Variants in PSIP1 observed in about 807,000 individuals in gnomAD.
PSIP1 encodes PC4 and SRSF1 interacting protein 1.
Under a neutral mutation model 74.7 loss-of-function variants are expected in PSIP1, and 19 were observed. The observed-to-expected ratio is 0.25, with a 90% CI of 0.18 to 0.37. PSIP1 has a LOEUF of 0.37. Among genes scored for constraint, PSIP1 ranks in the 10% least tolerant of loss-of-function variants. The pLI, the probability that PSIP1 is intolerant of heterozygous loss-of-function variation, is 1.00. For synonymous variants in PSIP1, 222 were observed against 195.3 expected (o/e 1.14, Z -1.14); for missense variants, 601 against 614.3 (o/e 0.98, Z 0.23).
intron 3 of PSIP1, chr9:15,505,655 T>C (rs775760435): frequency 6.8e-6 from 1 of 146,966 alleles, no homozygotes; most frequent in South Asian, 2.4e-4. Context: ...ATAGTCAATA[T>C]ACTAAAATCT....
intron 6 of PSIP1, among the ~76,000 whole-genome samples, chr9:15,480,288 T>C (rs2036278051): frequency 1.3e-5 from 2 of 152,296 alleles, no homozygotes; most frequent in Middle Eastern, 6.8e-3. Context: ...AGGCAGCAGT[T>C]GGTACTGATC....
intron 3 of PSIP1, among the ~76,000 whole-genome samples, chr9:15,498,186 C>A (rs1472192600): frequency 6.6e-6 from 1 of 152,116 alleles, no homozygotes; most frequent in Non-Finnish European, 1.5e-5. Context: ...GAGGCCAAGG[C>A]GGGCGTGTCA....
At chr9:15,502,792 C>A (rs1486402585) in intron 3 of PSIP1, among the ~76,000 whole-genome samples, 2 of 152,222 alleles carry the variant, frequency 1.3e-5, no homozygotes, top group Non-Finnish European at 2.9e-5. Context: ...TACTAAAAAT[C>A]TGTCTGAATA....
chr9:15,466,869 G>C lies in PSIP1; in HGVS notation c.1421-10C>G. On this transcript the variant is annotated splice_polypyrimidine_tract_variant and intron_variant, in intron 14 of 15. Coordinates refer to ENST00000380733, the MANE Select transcript of PSIP1 (RefSeq NM_033222.5). ...TTTAGAGTCTTTGACCCTTGCGAAG[G>C]AATCCAATGGAAAAACTTTGTTAAA... 1.3e-6 allele frequency: 2 copies of C among 1,592,450 alleles called. No homozygotes were observed. The highest frequency in any genetic ancestry group is 1.7e-6 in the Non-Finnish European group (2 of 1,166,876).
chr9:15,483,521 T>C (rs977749154), intron 6 of PSIP1, among the ~76,000 whole-genome samples: 1 of 152,184 alleles, frequency 6.6e-6, no homozygotes, highest in African/African-American at 2.4e-5. Flanking sequence ...TGTTGCCAAC[T>C]CATTAACTCC....
rs2035792985 is a variant in PSIP1, at chr9:15,470,842, T to C, written c.978-849A>G. The stretch of plus-strand genomic sequence containing the variant: ...ATAACTAGCTTCAAAACAAAATGAA[T>C]TTTTATATTTTCTAGATGAATAATG... On this transcript the variant is annotated intron_variant, in intron 10 of 15. Transcript: ENST00000380733. The C allele has an allele frequency of 1.0e-5, 11 of 1,054,724 alleles. No homozygotes were observed. The South Asian group carries it at 3.6e-4, about 35-fold the overall frequency. 65.3% of individuals were successfully genotyped at this position (1,054,724 alleles called of 1,614,324 possible).
At chr9:15,490,723 T>C (rs2036793508) in intron 3 of PSIP1, among the ~76,000 whole-genome samples, 1 of 151,594 alleles carries the variant, frequency 6.6e-6, no homozygotes, top group Admixed American at 6.6e-5. Flanking sequence ...TCAATAAATT[T>C]GGGTTTTTTT....
intron 10 of PSIP1, chr9:15,471,122 A>C (rs2035808573): frequency 1.2e-6 from 2 of 1,600,478 alleles, no homozygotes; most frequent in Non-Finnish European, 1.7e-6. Context: ...CTGTATCAAG[A>C]TCTTCATCTC....
intron 3 of PSIP1, among the ~76,000 whole-genome samples, chr9:15,493,209 T>G (rs955381671): frequency 6.6e-6 from 1 of 152,146 alleles, no homozygotes; most frequent in Non-Finnish European, 1.5e-5. Flanking sequence ...CTAAATCATC[T>G]CTCTCAAGTT....
rs1211642642 is a variant in PSIP1 at position 15,468,769 on chromosome 9, G to A, written c.1281C>T (p.Phe427=). 6.2e-7 allele frequency: 1 copy of A among 1,613,952 alleles called. No homozygotes were observed. The highest frequency in any genetic ancestry group is 1.7e-5 in the Admixed American group (1 of 60,010). Residue 427 remains phenylalanine (F), a synonymous_variant, in exon 14 of 16, where the codon TTC becomes TTT. Coordinates refer to ENST00000380733, the MANE Select transcript of PSIP1 (RefSeq NM_033222.5). ...TCACGGAATCTCCTTCACCAACCAA[G>A]AACATGTTCTTAAACTTGTTATACA... ...TMLYNKFKNM[F]LVGEGDSVIT...
rs1359520058 is a variant in PSIP1 at position 15,464,522 on chromosome 9, AC to A, written c.*997del. Reference sequence around the variant, plus strand: ...CTTATCAAAGTACAATGCTGGAACAACTAGTGTTTGTATTTTTGGAATCTAG... The same window carrying A: ...CTTATCAAAGTACAATGCTGGAACAATAGTGTTTGTATTTTTGGAATCTAG... On this transcript the variant is annotated 3_prime_UTR_variant, in exon 16 of 16. Transcript: ENST00000380733. The A allele has an allele frequency of 5.0e-6, 1 of 200,974 alleles. No individual in the cohort carries two copies. The highest frequency in any genetic ancestry group is 1.0e-5 in the Non-Finnish European group (1 of 97,820). 12.4% of individuals were successfully genotyped at this position (200,974 alleles called of 1,614,324 possible).
intron 15 of PSIP1, 153 bp from the exon 16 acceptor site, chr9:15,465,733 T>C (rs2035579972): frequency 1.7e-6 from 1 of 573,506 alleles, no homozygotes. Flanking sequence ...GAACAGTCAT[T>C]ATTATTTTTT....
intron 5 of PSIP1, 82 bp downstream of exon 5, chr9:15,486,745 C>T: frequency 1.1e-6 from 1 of 940,878 alleles, no homozygotes; most frequent in Non-Finnish European, 1.6e-6. Flanking sequence ...AAATTACTTA[C>T]TAATTAATCA....
At position 15,503,235 on chromosome 9, in the gene PSIP1, C is replaced by T. The variant is rs144737501; in HGVS notation, c.149+3326G>A. Reference sequence around the variant, plus strand: ...CACAAAAATTAGATGGGTGTGGTGGCGGGTGCCTGTAATCCTGACTAGTTG... The same window carrying T: ...CACAAAAATTAGATGGGTGTGGTGGTGGGTGCCTGTAATCCTGACTAGTTG... On this transcript the variant is annotated intron_variant, in intron 3 of 15. Transcript: ENST00000380733. Among the ~76,000 whole-genome samples the T allele has an allele frequency of 9.8e-3, 1,482 of 151,744 alleles. 21 individuals carry two copies. The highest frequency in any genetic ancestry group is 0.015 in the Non-Finnish European group (1,039 of 67,942).
At chr9:15,479,726 G>C (rs372704331) in intron 6 of PSIP1, 39 bp from the exon 7 acceptor site, 44 of 1,542,412 alleles carry the variant, frequency 2.9e-5, no homozygotes, top group Non-Finnish European at 3.8e-5. Flanking sequence ...TTAGCAAATA[G>C]TAGGCACTCA....
chr9:15,467,116 T>A (rs1362333056), intron 14 of PSIP1, among the ~76,000 whole-genome samples: 1 of 151,958 alleles, frequency 6.6e-6, no homozygotes, highest in Non-Finnish European at 1.5e-5. Flanking sequence ...AGGTTAACTA[T>A]CTATGAGTAC....
intron 4 of PSIP1, among the ~76,000 whole-genome samples, chr9:15,488,418 T>C (rs2036652852): frequency 6.6e-6 from 1 of 152,194 alleles, no homozygotes; most frequent in Non-Finnish European, 1.5e-5. Context: ...GTGCTCTTCC[T>C]AGTTTTTGGA....
intron 6 of PSIP1, among the ~76,000 whole-genome samples, chr9:15,484,709 A>G (rs969494978): frequency 3.9e-5 from 6 of 152,050 alleles, no homozygotes; most frequent in East Asian, 1.9e-4. Context: ...CTGGGGCAAC[A>G]GTGTGAGAAT....
chr9:15,491,876 G>A (rs943178309), intron 3 of PSIP1: 2 of 152,434 alleles, frequency 1.3e-5, no homozygotes, highest in African/African-American at 4.8e-5. Context: ...ATGCATGCAA[G>A]CAGGGAAAAT....
Sources: allele counts gnomAD v4.1 joint callset (sites outside exome capture counted in the v4.1 genomes callset), GRCh38; gene constraint gnomAD v4.1.1; transcripts MANE v1.5; gene names NCBI Gene and HGNC (gene_info 2026-07-23, HGNC 2026-07-21).